Variants in AIG1 observed in about 807,000 individuals in gnomAD.
AIG1 encodes androgen-induced gene 1 protein.
AIG1 carries 23 observed loss-of-function variants against 31.4 expected under a neutral mutation model. The ratio of observed to expected loss-of-function variants is 0.73; its 90% CI spans 0.53 to 1.04. The LOEUF is 1.04. AIG1 is among the 50% of genes least tolerant of loss of function. The pLI is 0.00. For missense variants in AIG1, 274 were observed against 295.0 expected (o/e 0.93, Z 0.52); for synonymous variants, 100 against 110.5 (o/e 0.90, Z 0.60).
chr6:143,329,946 G>T lies in AIG1; in HGVS notation c.516-3336G>T, dbSNP rs114428477. ...TACTATCTGGTTCTTTACAGAAAAG[G>T]TTTCCCTACTCCTGACTTAAATTAA... On this transcript the variant is annotated intron_variant, in intron 4 of 5. Coordinates refer to ENST00000357847, the MANE Select transcript of AIG1 (RefSeq NM_016108.4). This position sits in a 1 kb window ranked among gnomAD's most constrained non-coding sequence, Gnocchi z 4.9. Among the ~76,000 whole-genome samples, 1,716 of 152,078 alleles carry T rather than the reference G, an allele frequency of 0.011. 27 individuals carry two copies. Among genetic ancestry groups the T allele is most frequent in the African/African-American group, 0.039 (1,602 of 41,496 alleles).
intron 3 of AIG1, among the ~76,000 whole-genome samples, chr6:143,217,423 A>G (rs1051820523): frequency 1.3e-5 from 2 of 152,236 alleles, no homozygotes; most frequent in African/African-American, 4.8e-5. Context: ...TTCAATTATC[A>G]TTTGTTGAAT....
chr6:143,062,035 G>A (rs1239938220), intron 1 of AIG1, among the ~76,000 whole-genome samples: 1 of 152,164 alleles, frequency 6.6e-6, no homozygotes, highest in Non-Finnish European at 1.5e-5. Flanking sequence ...TCCCTGAACT[G>A]TTTATCCAAG....
At chr6:143,267,737 G>A (rs1796252506) in intron 3 of AIG1, among the ~76,000 whole-genome samples, 1 of 152,136 alleles carries the variant, frequency 6.6e-6, no homozygotes, top group African/African-American at 2.4e-5. Flanking sequence ...CAAGGGGTGG[G>A]CCTGAAGACA....
chr6:143,182,232 C>T (rs1370377935), intron 3 of AIG1, among the ~76,000 whole-genome samples: 1 of 152,124 alleles, frequency 6.6e-6, no homozygotes, highest in Non-Finnish European at 1.5e-5. Context: ...CAGGTTCTCA[C>T]TATGTTGCCT....
At position 143,327,388 on chromosome 6, in the gene AIG1, C is replaced by A; in HGVS notation, c.516-5894C>A. 3.2e-6 allele frequency: 1 copy of A among 315,270 alleles called. No individual in the cohort carries two copies. Among genetic ancestry groups the A allele is most frequent in the Non-Finnish European group, 6.0e-6 (1 of 165,552 alleles). The allele number at this position is 315,270 out of a possible 1,614,324, so 19.5% of individuals were successfully genotyped here. A position where few individuals can be genotyped will look rare whatever the true frequency, so the allele number is the denominator to read the frequency against. ...TTCACAAGCGCGTCCATGGAGTGGG[C>A]TTCAAGAAGTCTGCCCCTTGGGCAC... On this transcript the variant is annotated intron_variant, in intron 4 of 5. Coordinates refer to ENST00000357847, the MANE Select transcript of AIG1 (RefSeq NM_016108.4). The surrounding 1 kb of genome is among the most constrained non-coding windows in gnomAD (Gnocchi z 5.3).
intron 3 of AIG1, among the ~76,000 whole-genome samples, chr6:143,250,810 A>G (rs956833498): frequency 3.3e-5 from 5 of 152,190 alleles, no homozygotes; most frequent in Admixed American, 6.5e-5. Context: ...TTAAAATATT[A>G]TGACGGGTTG....
At chr6:143,195,579 G>GAA (rs1156767165) in intron 3 of AIG1, among the ~76,000 whole-genome samples, 1 of 150,944 alleles carries the variant, frequency 6.6e-6, no homozygotes. Context: ...GATTTAGGAA[G>GAA]GAATAGAAGA....
intron 3 of AIG1, among the ~76,000 whole-genome samples, chr6:143,254,608 G>A (rs920761737): frequency 5.9e-5 from 9 of 151,968 alleles, no homozygotes; most frequent in African/African-American, 1.9e-4. Flanking sequence ...CCCTACCCCC[G>A]CAAGTCACTG....
intron 3 of AIG1, among the ~76,000 whole-genome samples, chr6:143,207,519 T>TACACAC (rs10537250): frequency 2.5e-4 from 37 of 149,200 alleles, no homozygotes; most frequent in African/African-American, 9.1e-4. Flanking sequence ...ACCATTACAA[T>TACACAC]ACACACACAC....
chr6:143,198,861 G>C (rs1487454827), intron 3 of AIG1, among the ~76,000 whole-genome samples: 1 of 152,226 alleles, frequency 6.6e-6, no homozygotes. Flanking sequence ...AACGTCGTCT[G>C]TAAGTGCCAG....
intron 3 of AIG1, among the ~76,000 whole-genome samples, chr6:143,283,801 G>A (rs902146124): frequency 6.6e-6 from 1 of 152,194 alleles, no homozygotes; most frequent in Non-Finnish European, 1.5e-5. Context: ...AATGTTAACA[G>A]TGGTGATTGT....
At chr6:143,237,583 T>C (rs940316329) in intron 3 of AIG1, among the ~76,000 whole-genome samples, 1 of 152,190 alleles carries the variant, frequency 6.6e-6, no homozygotes, top group African/African-American at 2.4e-5. Flanking sequence ...CCTGGCCAAA[T>C]CATTGAACTT....
At chr6:143,117,293 C>T (rs1051719271) in intron 1 of AIG1, among the ~76,000 whole-genome samples, 2 of 152,042 alleles carry the variant, frequency 1.3e-5, no homozygotes, top group African/African-American at 4.8e-5. Flanking sequence ...TTGGCTTTTA[C>T]TGGGCATAAG....
Position 143,268,679 on chromosome 6 carries a change from A to G in AIG1, c.400-15431A>G, listed in dbSNP as rs775704998. Among the ~76,000 whole-genome samples the G allele has an allele frequency of 1.1e-4, 17 of 152,206 alleles. No individual in the cohort carries two copies. Among genetic ancestry groups the G allele is most frequent in the Non-Finnish European group, 2.2e-4 (15 of 68,028 alleles). ...TGCAGCGCAATTTTGGATTGTCAGAATCTGTTAACTGTAGGTATGCCATCT... is the reference window on the plus strand; with the variant it reads ...TGCAGCGCAATTTTGGATTGTCAGAGTCTGTTAACTGTAGGTATGCCATCT... On this transcript the variant is annotated intron_variant, in intron 3 of 5. Transcript: ENST00000357847. This position sits in a 1 kb window ranked among gnomAD's most constrained non-coding sequence, Gnocchi z 5.0.
intron 3 of AIG1, among the ~76,000 whole-genome samples, chr6:143,244,506 G>A (rs982229286): frequency 3.3e-5 from 5 of 152,230 alleles, no homozygotes; most frequent in African/African-American, 1.2e-4. Context: ...ACAGCACACT[G>A]AGTAGGCTCT....
chr6:143,196,350 A>AACACATGC (rs1554256859), intron 3 of AIG1, among the ~76,000 whole-genome samples: 13 of 141,720 alleles, frequency 9.2e-5, no homozygotes, highest in African/African-American at 3.4e-4. Context: ...CAACAAAAGC[A>AACACATGC]ACACACACAC....
Position 143,329,987 on chromosome 6 carries a change from G to A in AIG1, c.516-3295G>A, listed in dbSNP as rs571314976. On this transcript the variant is annotated intron_variant, in intron 4 of 5. Transcript: ENST00000357847. This position sits in a 1 kb window ranked among gnomAD's most constrained non-coding sequence, Gnocchi z 4.9. ...CTTAAATTAAATATAGTGACAAAAA[G>A]CATAAAGATTTTGGAGGTTTTTTTT... Among the ~76,000 whole-genome samples the A allele has an allele frequency of 3.3e-5, 5 of 152,050 alleles. No homozygotes were observed. Among genetic ancestry groups the A allele is most frequent in the Non-Finnish European group, 5.9e-5 (4 of 67,988 alleles).
rs575049583 is a variant in AIG1, at chr6:143,310,615, A to G, written c.516-22667A>G. ...AGAAGAAATGAAATAATAAAAATTAAAGAAGAAATAAATAAAATTTAAAAA... is the reference window on the plus strand; with the variant it reads ...AGAAGAAATGAAATAATAAAAATTAGAGAAGAAATAAATAAAATTTAAAAA... On this transcript the variant is annotated intron_variant, in intron 4 of 5. Coordinates refer to ENST00000357847, the MANE Select transcript of AIG1 (RefSeq NM_016108.4). Among the ~76,000 whole-genome samples the G allele has an allele frequency of 5.9e-5, 9 of 151,608 alleles. No homozygotes were observed. In the East Asian group the frequency reaches 1.7e-3, roughly 29 times the overall value.
At chr6:143,249,239 A>C (rs1794832112) in intron 3 of AIG1, among the ~76,000 whole-genome samples, 1 of 152,230 alleles carries the variant, frequency 6.6e-6, no homozygotes, top group African/African-American at 2.4e-5. Context: ...CTGTGGGGAC[A>C]AAAGGTTGGT....
Sources: gnomAD v4.1 joint callset for allele counts (sites outside exome capture counted in the v4.1 genomes callset) on GRCh38, gnomAD v4.1.1 for gene constraint, Gnocchi (gnomAD v3.1) non-coding constraint, MANE v1.5 for transcripts, NCBI Gene and HGNC (gene_info 2026-07-23, HGNC 2026-07-21) for gene names.